PABPC4L: variants seen among roughly 807,000 people sequenced by gnomAD.
PABPC4L encodes the protein polyadenylate-binding protein 4-like.
For synonymous variants in PABPC4L, 169 were observed against 164.1 expected, an observed-to-expected ratio of 1.03 and a Z score of -0.23; for missense variants, 452 against 451.4, an observed-to-expected ratio of 1.00 and a Z score of -0.01.
At chr4:134,141,244 G>T in the PABPC4L span, among the ~76,000 whole-genome samples, 1 of 151,456 alleles carries the variant, frequency 6.6e-6, no homozygotes, top group Non-Finnish European at 1.5e-5. Flanking sequence ...CACCCCTGTG[G>T]ACAGAGGATG....
chr4:133,983,553 G>C, the PABPC4L span, among the ~76,000 whole-genome samples: 2 of 151,838 alleles, frequency 1.3e-5, no homozygotes, highest in Admixed American at 1.3e-4. Context: ...CTAAGAAGGG[G>C]AAATAATATT....
At chr4:133,956,296 A>T in the PABPC4L span, among the ~76,000 whole-genome samples, 1 of 152,218 alleles carries the variant, frequency 6.6e-6, no homozygotes, top group South Asian at 2.1e-4. Flanking sequence ...TTCTCTTAAA[A>T]GAGTTATATT....
chr4:134,106,193 T>C, the PABPC4L span, among the ~76,000 whole-genome samples: 1 of 151,652 alleles, frequency 6.6e-6, no homozygotes, highest in Non-Finnish European at 1.5e-5. Context: ...TATTGTGCTT[T>C]GATATAATTC....
chr4:133,978,464 A>G, the PABPC4L span, among the ~76,000 whole-genome samples: 16,843 of 152,022 alleles, frequency 0.11, 1,026 homozygotes, highest in Admixed American at 0.2. Flanking sequence ...TAATAACGAC[A>G]AAATAGCTGG....
chr4:134,151,930 C>T, the PABPC4L span, among the ~76,000 whole-genome samples: 1 of 151,252 alleles, frequency 6.6e-6, no homozygotes, highest in African/African-American at 2.4e-5. Context: ...AAATTTTTTG[C>T]AAAAAATAAT....
the PABPC4L span, among the ~76,000 whole-genome samples, chr4:134,150,735 C>T: frequency 6.6e-6 from 1 of 152,100 alleles, no homozygotes; most frequent in Non-Finnish European, 1.5e-5. Context: ...TTCTTCAACT[C>T]ATGGGATTTG....
chr4:134,004,109 G>C, the PABPC4L span, among the ~76,000 whole-genome samples: 4 of 151,472 alleles, frequency 2.6e-5, no homozygotes, highest in Non-Finnish European at 5.9e-5. Context: ...ATACCTCAAA[G>C]GCACAGGCAA....
At chr4:134,135,643 C>T in the PABPC4L span, among the ~76,000 whole-genome samples, 1 of 151,958 alleles carries the variant, frequency 6.6e-6, no homozygotes, top group African/African-American at 2.4e-5. Flanking sequence ...ACCAGCCTGA[C>T]CAACATGGAG....
chr4:134,064,655 A>C, the PABPC4L span, among the ~76,000 whole-genome samples: 1 of 152,108 alleles, frequency 6.6e-6, no homozygotes, highest in Non-Finnish European at 1.5e-5. Context: ...ATATAGGTAA[A>C]GTGCATGTCA....
chr4:134,024,482 G>T, the PABPC4L span, among the ~76,000 whole-genome samples: 833 of 152,158 alleles, frequency 5.5e-3, 7 homozygotes, highest in Middle Eastern at 0.027. Flanking sequence ...TTTTCACATG[G>T]CCTCTCTTCT....
At chr4:134,046,268 T>C in the PABPC4L span, among the ~76,000 whole-genome samples, 2 of 151,994 alleles carry the variant, frequency 1.3e-5, no homozygotes, top group East Asian at 3.9e-4. Flanking sequence ...GGAATCTGTG[T>C]CACAAATAAG....
the PABPC4L span, among the ~76,000 whole-genome samples, chr4:133,966,293 T>TA: frequency 6.6e-6 from 1 of 152,110 alleles, no homozygotes; most frequent in East Asian, 1.9e-4. Flanking sequence ...ATGGCCATAA[T>TA]AAAAAAATCA....
the PABPC4L span, among the ~76,000 whole-genome samples, chr4:134,131,286 T>G: frequency 6.6e-6 from 1 of 151,968 alleles, no homozygotes; most frequent in Non-Finnish European, 1.5e-5. Flanking sequence ...ATCATATACC[T>G]AGGAAATCCT....
chr4:134,081,965 T>C, the PABPC4L span, among the ~76,000 whole-genome samples: 1 of 152,102 alleles, frequency 6.6e-6, no homozygotes, highest in Non-Finnish European at 1.5e-5. Context: ...CAAAACTCCC[T>C]GTGTATATTG....
the PABPC4L span, among the ~76,000 whole-genome samples, chr4:133,988,652 G>T: frequency 6.6e-6 from 1 of 152,130 alleles, no homozygotes. Flanking sequence ...AGTGTCTGTG[G>T]CTTTTCCAGG....
At chr4:134,175,930 T>A in the PABPC4L span, among the ~76,000 whole-genome samples, 1 of 152,142 alleles carries the variant, frequency 6.6e-6, no homozygotes, top group African/African-American at 2.4e-5. Context: ...TTGTCTTAAC[T>A]GCAGACTCTT....
chr4:134,084,309 G>A, the PABPC4L span, among the ~76,000 whole-genome samples: 1 of 151,964 alleles, frequency 6.6e-6, no homozygotes, highest in Non-Finnish European at 1.5e-5. Context: ...AGACTCCCAG[G>A]GTGCTGGGTT....
chr4:133,986,772 G>A, the PABPC4L span, among the ~76,000 whole-genome samples: 1 of 149,106 alleles, frequency 6.7e-6, no homozygotes, highest in Non-Finnish European at 1.5e-5. Context: ...GTCTTACTCT[G>A]TCACCCAGGC....
chr4:134,148,709 T>A, the PABPC4L span, among the ~76,000 whole-genome samples: 1 of 152,234 alleles, frequency 6.6e-6, no homozygotes. Flanking sequence ...TCTACCCTCA[T>A]TGCACAGCAA....
Sources: allele counts gnomAD v4.1 joint callset (sites outside exome capture counted in the v4.1 genomes callset), GRCh38; gene constraint gnomAD v4.1.1; transcripts MANE v1.5; gene names NCBI Gene and HGNC (gene_info 2026-07-23, HGNC 2026-07-21).